The following MALRD1 variants were observed in gnomAD, a reference collection of about 807,000 sequenced individuals.
MALRD1 encodes the protein MAM and LDL-receptor class A domain-containing protein 1.
MALRD1 carries 247 observed loss-of-function variants against 242.1 expected under a neutral mutation model. That is an observed-to-expected ratio of 1.02 (90% CI 0.92 to 1.13). The LOEUF (loss-of-function observed/expected upper bound fraction) is 1.13. MALRD1 is among the 50% of genes most tolerant of loss of function. The pLI is 0.00. For synonymous variants in MALRD1, 995 were observed against 866.6 expected (o/e 1.15, Z -2.60); for missense variants, 2,989 against 2,533.1 (o/e 1.18, Z -3.86).
chr10:19,078,511 T>G (rs532577686), intron 2 of MALRD1, among the ~76,000 whole-genome samples: 2 of 151,956 alleles, frequency 1.3e-5, no homozygotes, highest in Non-Finnish European at 2.9e-5. Context: ...TGTCTGGTTT[T>G]GGTTTATTAA....
rs533332616 is a variant in MALRD1, at chr10:19,268,593, G to A, written c.3079+10822G>A. Among the ~76,000 whole-genome samples the A allele has an allele frequency of 1.8e-4, 27 of 152,172 alleles. 1 individual carries two copies. The South Asian group carries it at 4.1e-3, about 23-fold the overall frequency. On this transcript the variant is annotated intron_variant, in intron 19 of 39. Transcript: ENST00000454679. ...AAAAAGTCACAGGGAAAACGTATAC[G>A]TTGTTAGCTACAGGTAGATATAAAG...
chr10:19,502,404 G>A (rs1231425132), intron 31 of MALRD1, among the ~76,000 whole-genome samples: 2 of 152,068 alleles, frequency 1.3e-5, no homozygotes, highest in Admixed American at 6.6e-5. Context: ...ATTTGATTCT[G>A]TAATTCTAAA....
intron 18 of MALRD1, among the ~76,000 whole-genome samples, chr10:19,253,398 T>C (rs1839378760): frequency 6.6e-6 from 1 of 151,974 alleles, no homozygotes; most frequent in Non-Finnish European, 1.5e-5. Context: ...TTTGTATTTG[T>C]TTATTGAGGT....
At chr10:19,586,747 G>C (rs1837429851) in intron 33 of MALRD1, among the ~76,000 whole-genome samples, 1 of 152,256 alleles carries the variant, frequency 6.6e-6, no homozygotes, top group African/African-American at 2.4e-5. Flanking sequence ...GCTGTGGTGG[G>C]CTCCACCCAG....
chr10:19,160,104 A>T (rs1317633029), intron 12 of MALRD1, among the ~76,000 whole-genome samples: 2 of 152,178 alleles, frequency 1.3e-5, no homozygotes, highest in African/African-American at 4.8e-5. Flanking sequence ...CAAGAAAAAT[A>T]AAAGCAAGCC....
chr10:19,112,493 G>A (rs1041602994), intron 5 of MALRD1, among the ~76,000 whole-genome samples: 1 of 152,160 alleles, frequency 6.6e-6, no homozygotes, highest in South Asian at 2.1e-4. Context: ...TATGGAAAAG[G>A]TTCATCACCC....
intron 21 of MALRD1, among the ~76,000 whole-genome samples, chr10:19,295,456 G>C (rs1207902130): frequency 2.7e-5 from 3 of 109,640 alleles, no homozygotes; most frequent in African/African-American, 7.3e-5. Context: ...GCCCAAGTAT[G>C]TTTTGGGTGT....
At chr10:19,267,124 A>C (rs1185392272) in intron 19 of MALRD1, among the ~76,000 whole-genome samples, 1 of 152,128 alleles carries the variant, frequency 6.6e-6, no homozygotes, top group African/African-American at 2.4e-5. Context: ...AACACTGACT[A>C]CATCACAAAA....
At chr10:19,563,342 A>AT (rs939126400) in intron 32 of MALRD1, among the ~76,000 whole-genome samples, 4 of 152,012 alleles carry the variant, frequency 2.6e-5, no homozygotes, top group African/African-American at 9.7e-5. Flanking sequence ...ATTACTTTAG[A>AT]TTTTTTTCTT....
At chr10:19,445,249 G>A (rs544563629) in intron 28 of MALRD1, among the ~76,000 whole-genome samples, 6 of 152,204 alleles carry the variant, frequency 3.9e-5, no homozygotes, top group African/African-American at 4.8e-5. Flanking sequence ...CAATGCGTTC[G>A]AACATCCTCC....
intron 18 of MALRD1, among the ~76,000 whole-genome samples, chr10:19,224,097 A>G (rs1837679172): frequency 6.6e-6 from 1 of 152,086 alleles, no homozygotes; most frequent in South Asian, 2.1e-4. Context: ...TGGTATTTCT[A>G]GTTCTGGATC....
chr10:19,321,401 A>G (rs1360158080), intron 21 of MALRD1, among the ~76,000 whole-genome samples: 3 of 152,130 alleles, frequency 2.0e-5, no homozygotes. Flanking sequence ...ATCTCTTCCC[A>G]ACTCCCATTC....
chr10:19,491,729 G>A, intron 30 of MALRD1, 84 bp downstream of exon 30: 1 of 1,411,796 alleles, frequency 7.1e-7, no homozygotes, highest in Non-Finnish European at 9.5e-7. Context: ...TGTTGATGAT[G>A]GAGAAGAAAT....
intron 22 of MALRD1, 68 bp downstream of exon 22, chr10:19,324,173 A>G (rs1287001150): frequency 2.1e-6 from 3 of 1,400,690 alleles, no homozygotes; most frequent in Non-Finnish European, 2.9e-6. Flanking sequence ...ATTTGGTATC[A>G]TTAAAATATA....
intron 36 of MALRD1, among the ~76,000 whole-genome samples, chr10:19,665,389 C>T (rs758421163): frequency 6.6e-6 from 1 of 152,068 alleles, no homozygotes; most frequent in African/African-American, 2.4e-5. Context: ...ATCTTTCTTC[C>T]GGTGATAAGG....
At chr10:19,482,317 C>A (rs1449931196) in intron 29 of MALRD1, among the ~76,000 whole-genome samples, 7 of 151,464 alleles carry the variant, frequency 4.6e-5, no homozygotes, top group Admixed American at 4.6e-4. Context: ...GATAATTTAT[C>A]AACAAGTTAA....
intron 28 of MALRD1, among the ~76,000 whole-genome samples, chr10:19,444,497 G>T (rs1378871165): frequency 2.0e-5 from 3 of 152,112 alleles, no homozygotes; most frequent in African/African-American, 7.2e-5. Context: ...TTGTAAGGCA[G>T]GCTTGGTGGT....
chr10:19,156,112 C>T (rs1430015230), intron 12 of MALRD1, among the ~76,000 whole-genome samples: 1 of 151,996 alleles, frequency 6.6e-6, no homozygotes, highest in Non-Finnish European at 1.5e-5. Flanking sequence ...AAATTCATTG[C>T]CTGTAAGTGT....
Position 19,204,319 on chromosome 10 carries a change from T to C in MALRD1, c.2116T>C (p.Phe706Leu). Reference protein sequence around the residue: ...SLNASQGHFMFILKKSSSLWQ... With the variant: ...SLNASQGHFMLILKKSSSLWQ... ...TTTTATCTCAACAGGGCATTTTATGTTCATTCTGAAGAAAAGCAGCAGCTT... is the reference window on the plus strand; with the variant it reads ...TTTTATCTCAACAGGGCATTTTATGCTCATTCTGAAGAAAAGCAGCAGCTT... The change falls in exon 16 of 40, where the codon TTC becomes CTC. Residue 706 changes from phenylalanine to leucine, a missense_variant. Coordinates refer to ENST00000454679, the MANE Select transcript of MALRD1 (RefSeq NM_001142308.3). The C allele has an allele frequency of 6.5e-7, 1 of 1,542,496 alleles. No homozygotes were observed.
Sources: allele counts gnomAD v4.1 joint callset (sites outside exome capture counted in the v4.1 genomes callset), GRCh38; gene constraint gnomAD v4.1.1; transcripts MANE v1.5; gene names NCBI Gene and HGNC (gene_info 2026-07-23, HGNC 2026-07-21).